Variants in MDFIC2 observed in about 807,000 individuals in gnomAD.
MDFIC2 encodes the protein MyoD family inhibitor domain containing 2.
chr3:70,308,196 G>T (rs957915661), intron 2 of MDFIC2, among the ~76,000 whole-genome samples: 3 of 152,136 alleles, frequency 2.0e-5, no homozygotes, highest in South Asian at 4.2e-4. Context: ...GACTATAGGG[G>T]TATGCCATTA....
intron 2 of MDFIC2, 61 bp from the exon 3 acceptor site, chr3:70,206,851 C>T: frequency 2.5e-6 from 1 of 396,306 alleles, no homozygotes; most frequent in Non-Finnish European, 4.5e-6. Flanking sequence ...ACCTAGTGAC[C>T]TAAGAATGCA....
At chr3:70,238,393 G>A (rs1158458492) in intron 2 of MDFIC2, among the ~76,000 whole-genome samples, 1 of 151,976 alleles carries the variant, frequency 6.6e-6, no homozygotes, top group East Asian at 1.9e-4. Context: ...AGGATCATTT[G>A]AGCCCAGGAG....
At chr3:70,291,671 C>G (rs1702241005) in intron 2 of MDFIC2, among the ~76,000 whole-genome samples, 1 of 152,194 alleles carries the variant, frequency 6.6e-6, no homozygotes, top group South Asian at 2.1e-4. Flanking sequence ...GATTTGCTAG[C>G]TTTTTCCCAC....
intron 2 of MDFIC2, among the ~76,000 whole-genome samples, chr3:70,280,930 C>T (rs1702076416): frequency 1.3e-5 from 2 of 152,120 alleles, no homozygotes; most frequent in South Asian, 4.1e-4. Flanking sequence ...AGTCTACTAG[C>T]ATTAGATCAT....
intron 2 of MDFIC2, among the ~76,000 whole-genome samples, chr3:70,246,046 CAGAT>C (rs555405610): frequency 3.3e-5 from 5 of 151,552 alleles, no homozygotes; most frequent in African/African-American, 9.7e-5. Context: ...TGTAGATAGA[CAGAT>C]AGAGAGTTCT....
chr3:70,298,396 A>G (rs2106699418), intron 2 of MDFIC2, among the ~76,000 whole-genome samples: 1 of 152,262 alleles, frequency 6.6e-6, no homozygotes, highest in Non-Finnish European at 1.5e-5. Flanking sequence ...ATCAACGGGA[A>G]GATATTAAAA....
Position 70,214,607 on chromosome 3 carries a change from CT to C in MDFIC2, c.89-7818del, listed in dbSNP as rs11391954. 2.8e-3 allele frequency among the ~76,000 whole-genome samples: 392 copies of C among 140,260 alleles called. 1 individual carries two copies. Among genetic ancestry groups the C allele is most frequent in the African/African-American group, 9.3e-3 (358 of 38,320 alleles). 92.0% of individuals were successfully genotyped at this position (140,260 alleles called of 152,430 possible). A position where few individuals can be genotyped will look rare whatever the true frequency, so the allele number is the denominator to read the frequency against. ...TTCAATTTTTGGGGGCTGAAGTGGGCTTTTTTTTTTTTTTATCTAACTATTC... is the reference window on the plus strand; with the variant it reads ...TTCAATTTTTGGGGGCTGAAGTGGGCTTTTTTTTTTTTTATCTAACTATTC... On this transcript the variant is annotated intron_variant, in intron 2 of 3. Coordinates refer to ENST00000567252, the MANE Select transcript of MDFIC2 (RefSeq NM_001364677.1).
intron 2 of MDFIC2, among the ~76,000 whole-genome samples, chr3:70,236,821 C>T (rs578017347): frequency 1.3e-5 from 2 of 152,234 alleles, no homozygotes; most frequent in Non-Finnish European, 2.9e-5. Flanking sequence ...GTCTCAAAGT[C>T]CTGGCCTCAA....
chr3:70,211,952 C>T (rs189660969), intron 2 of MDFIC2, among the ~76,000 whole-genome samples: 172 of 151,772 alleles, frequency 1.1e-3, no homozygotes, highest in Non-Finnish European at 1.1e-3. Flanking sequence ...CCTTGACTGA[C>T]CTAGCCCATC....
At chr3:70,210,745 A>T (rs1701335181) in intron 2 of MDFIC2, among the ~76,000 whole-genome samples, 1 of 151,218 alleles carries the variant, frequency 6.6e-6, no homozygotes, top group Admixed American at 6.6e-5. Context: ...AAACAAACCA[A>T]AATTAGGACA....
intron 3 of MDFIC2, among the ~76,000 whole-genome samples, chr3:70,197,829 A>G (rs1417161152): frequency 2.0e-5 from 3 of 152,224 alleles, no homozygotes; most frequent in African/African-American, 7.2e-5. Context: ...TAAGTGAAAT[A>G]CGTCATCATA....
intron 2 of MDFIC2, among the ~76,000 whole-genome samples, chr3:70,231,812 C>T (rs1244111657): frequency 1.3e-5 from 2 of 152,100 alleles, no homozygotes; most frequent in African/African-American, 4.8e-5. Flanking sequence ...ATTACTTGGA[C>T]CAGGAGTCAC....
At chr3:70,273,263 CA>C (rs2106673766) in intron 2 of MDFIC2, among the ~76,000 whole-genome samples, 1 of 152,318 alleles carries the variant, frequency 6.6e-6, no homozygotes, top group African/African-American at 2.4e-5. Context: ...CCAGTGAGTT[CA>C]TTAAATCTTA....
chr3:70,284,173 T>C (rs1207418309), intron 2 of MDFIC2, among the ~76,000 whole-genome samples: 2 of 152,170 alleles, frequency 1.3e-5, no homozygotes, highest in Non-Finnish European at 2.9e-5. Context: ...ATTTCATTTA[T>C]AGGTTTTATC....
intron 2 of MDFIC2, among the ~76,000 whole-genome samples, chr3:70,295,673 C>G (rs1254887141): frequency 6.6e-6 from 1 of 152,104 alleles, no homozygotes; most frequent in Admixed American, 6.5e-5. Flanking sequence ...GCTTGAGTGA[C>G]AGTGTGAGAC....
intron 2 of MDFIC2, among the ~76,000 whole-genome samples, chr3:70,244,727 G>A (rs1039400793): frequency 1.3e-5 from 2 of 152,170 alleles, no homozygotes; most frequent in Admixed American, 1.3e-4. Context: ...GAATCATTAT[G>A]CTCTTATGAA....
At chr3:70,288,770 T>G (rs1397751109) in intron 2 of MDFIC2, among the ~76,000 whole-genome samples, 3 of 152,090 alleles carry the variant, frequency 2.0e-5, no homozygotes, top group African/African-American at 7.2e-5. Context: ...ATATTTAGGA[T>G]AGTTAGCTCT....
At chr3:70,245,671 TTATATATATATATATATATATATATA>T (rs34480688) in intron 2 of MDFIC2, among the ~76,000 whole-genome samples, 21 of 57,224 alleles carry the variant, frequency 3.7e-4, no homozygotes, top group Non-Finnish European at 4.8e-4. Flanking sequence ...GCAAACTGCT[TTATATATATATATATATATATATATA>T]TATATATATA....
intron 2 of MDFIC2, among the ~76,000 whole-genome samples, chr3:70,300,842 C>A (rs939361135): frequency 4.0e-5 from 6 of 151,898 alleles, no homozygotes; most frequent in East Asian, 1.9e-4. Context: ...AAAGCTATAC[C>A]AAATTTGGAC....
Sources: gnomAD v4.1 joint callset for allele counts (sites outside exome capture counted in the v4.1 genomes callset) on GRCh38, gnomAD v4.1.1 for gene constraint, MANE v1.5 for transcripts, NCBI Gene and HGNC (gene_info 2026-07-23, HGNC 2026-07-21) for gene names.